The following XKR6 variants were observed in gnomAD, a reference collection of about 807,000 sequenced individuals.
The protein encoded by XKR6 is XK related 6, also known as XK-related protein 6.
XKR6 carries 22 observed loss-of-function variants against 56.7 expected under a neutral mutation model. The ratio of observed to expected loss-of-function variants is 0.39; its 90% confidence interval spans 0.28 to 0.55. The LOEUF (loss-of-function observed/expected upper bound fraction) is 0.55, where lower values mean the gene tolerates loss of function less well. Among genes scored for constraint, XKR6 ranks in the 20% least tolerant of loss-of-function variants. XKR6 has a pLI of 0.66. For synonymous variants in XKR6, 524 were observed against 387.8 expected (o/e 1.35, Z -4.13); for missense variants, 852 against 889.0 (o/e 0.96, Z 0.53).
At chr8:10,989,781 T>A (rs1435033680) in intron 1 of XKR6, among the ~76,000 whole-genome samples, 1 of 152,220 alleles carries the variant, frequency 6.6e-6, no homozygotes, top group Non-Finnish European at 1.5e-5. Flanking sequence ...GGGAGGCAAA[T>A]ATTCTGTCTG....
At chr8:11,050,312 C>T (rs1233716500) in intron 1 of XKR6, among the ~76,000 whole-genome samples, 1 of 152,104 alleles carries the variant, frequency 6.6e-6, no homozygotes, top group Non-Finnish European at 1.5e-5. Context: ...TCGTGGCATT[C>T]ACATTAAGTC....
intron 1 of XKR6, among the ~76,000 whole-genome samples, chr8:10,957,668 T>C (rs1801932750): frequency 6.6e-6 from 1 of 152,144 alleles, no homozygotes; most frequent in Non-Finnish European, 1.5e-5. Context: ...CCAGTCTCAC[T>C]CTGGGCAGCA....
At chr8:11,059,093 C>G (rs1185181506) in intron 1 of XKR6, among the ~76,000 whole-genome samples, 5 of 117,820 alleles carry the variant, frequency 4.2e-5, no homozygotes, top group Non-Finnish European at 8.0e-5. Context: ...TGAATCCAAT[C>G]CCAGGCCTCC....
chr8:11,194,619 G>T (rs1342792110), intron 1 of XKR6: 1 of 152,478 alleles, frequency 6.6e-6, no homozygotes, highest in African/African-American at 2.4e-5. Flanking sequence ...ATCATCCTGG[G>T]GTGAAAATGG....
chr8:11,080,729 G>A (rs1027315698), intron 1 of XKR6, among the ~76,000 whole-genome samples: 1 of 152,238 alleles, frequency 6.6e-6, no homozygotes, highest in Non-Finnish European at 1.5e-5. Context: ...CCACCTCAAA[G>A]AAGCATGTAA....
chr8:11,104,729 G>A (rs189420386), intron 1 of XKR6: 1 of 152,190 alleles, frequency 6.6e-6, no homozygotes, highest in African/African-American at 2.4e-5. Flanking sequence ...TAGTTTTTTT[G>A]CAGATTGGTG....
chr8:11,100,256 G>A (rs961037970), intron 1 of XKR6, among the ~76,000 whole-genome samples: 2 of 152,090 alleles, frequency 1.3e-5, no homozygotes, highest in African/African-American at 2.4e-5. Context: ...GTCTTGCCAC[G>A]TTGCCCAGGC....
At chr8:11,040,287 C>A (rs573473872) in intron 1 of XKR6, among the ~76,000 whole-genome samples, 1 of 150,472 alleles carries the variant, frequency 6.6e-6, no homozygotes, top group Non-Finnish European at 1.5e-5. Flanking sequence ...TCTGAGAGGC[C>A]GAAGCAGGAG....
In XKR6 at chr8:11,191,499, G is replaced by T. The variant is rs76068855; in HGVS notation, c.764+9077C>A. On this transcript the variant is annotated intron_variant, in intron 1 of 2. Coordinates refer to ENST00000416569, the MANE Select transcript of XKR6 (RefSeq NM_173683.4). ...TAGTGGGACAAAACACGTATGGGGC[G>T]CCTACTGATATGATGCCAACATGAA... Among the ~76,000 whole-genome samples the T allele has an allele frequency of 1.1e-3, 164 of 152,200 alleles. No individual in the cohort carries two copies. In the East Asian group the frequency reaches 0.024, roughly 22 times the overall value.
chr8:11,096,593 T>C (rs1458632063), intron 1 of XKR6, among the ~76,000 whole-genome samples: 2 of 152,194 alleles, frequency 1.3e-5, no homozygotes, highest in Admixed American at 6.5e-5. Flanking sequence ...TGGCAAATGC[T>C]TGGAAAAGGA....
At chr8:10,950,237 T>G (rs1357992991) in intron 1 of XKR6, among the ~76,000 whole-genome samples, 1 of 152,098 alleles carries the variant, frequency 6.6e-6, no homozygotes, top group East Asian at 1.9e-4. Flanking sequence ...GGCCAATGGA[T>G]AGTGCAGGGG....
At chr8:10,966,962 G>C (rs1052478686) in intron 1 of XKR6, among the ~76,000 whole-genome samples, 2 of 152,138 alleles carry the variant, frequency 1.3e-5, no homozygotes, top group African/African-American at 4.8e-5. Context: ...TACGAAGCTT[G>C]AGAACCATGG....
chr8:11,032,544 CTG>C (rs1213484901), intron 1 of XKR6, among the ~76,000 whole-genome samples: 1 of 152,046 alleles, frequency 6.6e-6, no homozygotes, highest in African/African-American at 2.4e-5. Context: ...AAATGTTGGC[CTG>C]GAGCAAATTC....
intron 1 of XKR6, among the ~76,000 whole-genome samples, chr8:10,975,207 TGCAGCCAACGATCCCTTGGCTGCCCCG>T (rs1480250745): frequency 2.6e-5 from 4 of 152,202 alleles, no homozygotes; most frequent in Non-Finnish European, 5.9e-5. Flanking sequence ...AGCACCCTCC[TGCAGCCAACGATCCCTTGGCTGCCCCG>T]GCAGGGGGAG....
chr8:11,114,220 G>C (rs1407588851), intron 1 of XKR6: 1 of 292,864 alleles, frequency 3.4e-6, no homozygotes, highest in East Asian at 1.1e-4. Context: ...TTTCTACACA[G>C]AGAATCACAA....
At chr8:10,951,310 GCCC>G (rs67018613) in intron 1 of XKR6, among the ~76,000 whole-genome samples, 1 of 103,816 alleles carries the variant, frequency 9.6e-6, no homozygotes, top group African/African-American at 3.5e-5. Flanking sequence ...GGGGGGGGGG[GCCC>G]CCACAGTGGT....
intron 1 of XKR6, among the ~76,000 whole-genome samples, chr8:11,043,370 C>T (rs1265441585): frequency 6.6e-6 from 1 of 152,128 alleles, no homozygotes; most frequent in Non-Finnish European, 1.5e-5. Context: ...TCTAGGAAAT[C>T]GTCCATCTCC....
chr8:11,173,964 T>A (rs1439548411), intron 1 of XKR6, among the ~76,000 whole-genome samples: 1 of 152,210 alleles, frequency 6.6e-6, no homozygotes, highest in African/African-American at 2.4e-5. Context: ...TCGGGTGCTT[T>A]GGGATGAGGG....
intron 1 of XKR6, among the ~76,000 whole-genome samples, chr8:11,076,737 C>G (rs1282222388): frequency 6.6e-6 from 1 of 152,232 alleles, no homozygotes; most frequent in Non-Finnish European, 1.5e-5. Flanking sequence ...CCAGCGCAGG[C>G]AGCGATGGCA....
Sources: allele counts gnomAD v4.1 joint callset (sites outside exome capture counted in the v4.1 genomes callset), GRCh38; gene constraint gnomAD v4.1.1; transcripts MANE v1.5; gene names NCBI Gene and HGNC (gene_info 2026-07-23, HGNC 2026-07-21).